TTC28: variants seen among roughly 807,000 people sequenced by gnomAD.
TTC28 encodes the protein tetratricopeptide repeat domain 28, also known as tetratricopeptide repeat protein 28.
In TTC28, 61 loss-of-function variants were observed where a neutral mutation model predicts 198.0. That is an observed-to-expected ratio of 0.31 (90% CI 0.25 to 0.38). The LOEUF is 0.38. TTC28 is among the 10% of genes least tolerant of loss of function. The pLI is 1.00. For missense variants in TTC28, 2,678 were observed against 3,164.0 expected (o/e 0.85, Z 3.69); for synonymous variants, 1,171 against 1,297.8 (o/e 0.90, Z 2.10).
chr22:28,086,543 T>C (rs1941607520), intron 12 of TTC28, among the ~76,000 whole-genome samples: 1 of 152,088 alleles, frequency 6.6e-6, no homozygotes, highest in Non-Finnish European at 1.5e-5. Context: ...TAGCACTAAA[T>C]GCCCACAAGA....
At chr22:28,366,884 T>C (rs1322925314) in intron 2 of TTC28, among the ~76,000 whole-genome samples, 3 of 151,868 alleles carry the variant, frequency 2.0e-5, no homozygotes, top group Non-Finnish European at 4.4e-5. Flanking sequence ...ACCAAGAGGA[T>C]ATAACACGTG....
chr22:28,548,555 A>G (rs1363697688), intron 2 of TTC28, among the ~76,000 whole-genome samples: 1 of 152,188 alleles, frequency 6.6e-6, no homozygotes, highest in Non-Finnish European at 1.5e-5. Flanking sequence ...TAACAGCACC[A>G]TTTCTTACTA....
intron 12 of TTC28, among the ~76,000 whole-genome samples, chr22:28,036,395 G>A (rs1202750230): frequency 1.3e-5 from 2 of 152,214 alleles, no homozygotes; most frequent in Admixed American, 1.3e-4. Context: ...CATGGAAACT[G>A]AACAACCTGC....
intron 1 of TTC28, among the ~76,000 whole-genome samples, chr22:28,630,238 C>T (rs1344282115): frequency 6.6e-6 from 1 of 152,122 alleles, no homozygotes; most frequent in Non-Finnish European, 1.5e-5. Flanking sequence ...AATCATAAGC[C>T]AAATAACCCT....
At chr22:28,158,812 A>G (rs1409523630) in intron 6 of TTC28, among the ~76,000 whole-genome samples, 1 of 152,236 alleles carries the variant, frequency 6.6e-6, no homozygotes, top group Non-Finnish European at 1.5e-5. Context: ...TGAAAGTACT[A>G]TAAGAAAACA....
At chr22:28,519,604 G>A (rs569494624) in intron 2 of TTC28, among the ~76,000 whole-genome samples, 1 of 152,282 alleles carries the variant, frequency 6.6e-6, no homozygotes, top group East Asian at 1.9e-4. Context: ...CCCATGAGGA[G>A]GCATGAAGAG....
chr22:28,248,731 A>T (rs1285861334), intron 5 of TTC28, among the ~76,000 whole-genome samples: 1 of 152,190 alleles, frequency 6.6e-6, no homozygotes, highest in Non-Finnish European at 1.5e-5. Flanking sequence ...CCAAGAATAA[A>T]GGTCTACACT....
At chr22:28,134,335 A>G (rs1293289280) in intron 6 of TTC28, among the ~76,000 whole-genome samples, 1 of 152,246 alleles carries the variant, frequency 6.6e-6, no homozygotes, top group Non-Finnish European at 1.5e-5. Flanking sequence ...GCTCCTCGCC[A>G]GCAATGGAAC....
intron 2 of TTC28, among the ~76,000 whole-genome samples, chr22:28,481,381 T>C (rs1418445543): frequency 6.6e-6 from 1 of 152,204 alleles, no homozygotes; most frequent in Non-Finnish European, 1.5e-5. Flanking sequence ...CATATGGGGA[T>C]ATAAACTGAA....
At chr22:28,617,931 T>C (rs1178746277) in intron 2 of TTC28, among the ~76,000 whole-genome samples, 4 of 152,152 alleles carry the variant, frequency 2.6e-5, no homozygotes, top group East Asian at 3.9e-4. Flanking sequence ...CAGAGATCAG[T>C]TGAGTCGGCC....
At chr22:28,239,267 T>G (rs1158207175) in intron 5 of TTC28, among the ~76,000 whole-genome samples, 2 of 152,196 alleles carry the variant, frequency 1.3e-5, no homozygotes, top group African/African-American at 4.8e-5. Flanking sequence ...CAATCTTCTT[T>G]GTCCAATATG....
chr22:28,506,274 C>A (rs2048611618), intron 2 of TTC28, among the ~76,000 whole-genome samples: 1 of 152,142 alleles, frequency 6.6e-6, no homozygotes, highest in Non-Finnish European at 1.5e-5. Context: ...CACAACACAG[C>A]ACAGCTGCCT....
chr22:28,162,618 T>C (rs559065482), intron 6 of TTC28, among the ~76,000 whole-genome samples: 1 of 152,172 alleles, frequency 6.6e-6, no homozygotes, highest in Non-Finnish European at 1.5e-5. Context: ...ACAGGAAGAA[T>C]TGTGTGATTT....
At chr22:28,591,066 TATATATATATATATATATAG>T (rs2050426871) in intron 2 of TTC28, among the ~76,000 whole-genome samples, 1 of 125,154 alleles carries the variant, frequency 8.0e-6, no homozygotes, top group Non-Finnish European at 1.6e-5. Flanking sequence ...TATATATATA[TATATATATATATATATATAG>T]GAATTGTGAC....
At chr22:28,399,015 CTTTT>C (rs77161387) in intron 2 of TTC28, among the ~76,000 whole-genome samples, 2 of 135,210 alleles carry the variant, frequency 1.5e-5, no homozygotes, top group South Asian at 2.3e-4. Flanking sequence ...GTTATTTTGC[CTTTT>C]TTTTTTTTTT....
intron 2 of TTC28, among the ~76,000 whole-genome samples, chr22:28,388,338 A>G (rs1291138781): frequency 2.6e-5 from 4 of 152,164 alleles, no homozygotes; most frequent in South Asian, 2.1e-4. Flanking sequence ...GCTCTTTTTT[A>G]GTTCCATATG....
At chr22:28,540,841 T>C (rs1349015756) in intron 2 of TTC28, among the ~76,000 whole-genome samples, 1 of 152,204 alleles carries the variant, frequency 6.6e-6, no homozygotes, top group Non-Finnish European at 1.5e-5. Flanking sequence ...CTGAATAGTT[T>C]GAATATGTCT....
intron 2 of TTC28, among the ~76,000 whole-genome samples, chr22:28,551,814 G>C (rs1189262897): frequency 6.6e-6 from 1 of 152,074 alleles, no homozygotes; most frequent in Non-Finnish European, 1.5e-5. Flanking sequence ...CTGTGAACTG[G>C]AACAAGACAA....
rs376294018 is a variant in TTC28 at position 28,398,431 on chromosome 22, T to C, written c.382-91788A>G. Among the ~76,000 whole-genome samples, 25 of 152,278 alleles carry C rather than the reference T, an allele frequency of 1.6e-4. No homozygotes were observed. The East Asian group carries it at 1.7e-3, about 11-fold the overall frequency. On this transcript the variant is annotated intron_variant, in intron 2 of 22. Transcript: ENST00000397906. Reference sequence around the variant, plus strand: ...GGCAAGAAAACATGGGAACAAAAATTAGAAGCATGAGCATAAAGAAGGGAT... The same window carrying C: ...GGCAAGAAAACATGGGAACAAAAATCAGAAGCATGAGCATAAAGAAGGGAT...
Sources: allele counts gnomAD v4.1 joint callset (sites outside exome capture counted in the v4.1 genomes callset), GRCh38; gene constraint gnomAD v4.1.1; transcripts MANE v1.5; gene names NCBI Gene and HGNC (gene_info 2026-07-23, HGNC 2026-07-21).